CTXND1: variants seen among roughly 807,000 people sequenced by gnomAD.
CTXND1 encodes the protein cortexin domain containing 1.
At chr15:80,227,109 T>C (rs1173643134) in intron 1 of CTXND1, among the ~76,000 whole-genome samples, 1 of 152,202 alleles carries the variant, frequency 6.6e-6, no homozygotes, top group Non-Finnish European at 1.5e-5. Flanking sequence ...GTACATCATT[T>C]TCTATGTTTC....
At chr15:80,208,045 A>G (rs1336640358) in intron 1 of CTXND1, among the ~76,000 whole-genome samples, 1 of 152,240 alleles carries the variant, frequency 6.6e-6, no homozygotes, top group Non-Finnish European at 1.5e-5. Context: ...ATAGCCACTC[A>G]CAACTATGAG....
chr15:80,218,991 G>C (rs1893283912), intron 1 of CTXND1, among the ~76,000 whole-genome samples: 1 of 148,326 alleles, frequency 6.7e-6, no homozygotes, highest in East Asian at 2.0e-4. Flanking sequence ...GGGTGCAGTG[G>C]TGTCATCATA....
chr15:80,220,099 C>CATCTATCTATCT (rs3974511), intron 1 of CTXND1, among the ~76,000 whole-genome samples: 32 of 146,596 alleles, frequency 2.2e-4, no homozygotes, highest in Non-Finnish European at 3.3e-4. Context: ...AATATACTCT[C>CATCTATCTATCT]ATCTATCTAT....
At chr15:80,202,093 T>A in intron 2 of CTXND1, 79 bp from the exon 3 acceptor site, 4 of 396,692 alleles carry the variant, frequency 1.0e-5, no homozygotes, top group Non-Finnish European at 1.8e-5. Flanking sequence ...CAACCTCTGC[T>A]CCCTCTTATC....
rs1284675385 is a variant in CTXND1, at chr15:80,252,088, G to C, written c.-299C>G. On this transcript the variant is annotated 5_prime_UTR_variant, in exon 1 of 3. Coordinates refer to ENST00000560778, the MANE Select transcript of CTXND1 (RefSeq NM_001352888.2). ...AGGGCGACCGCGGATCGCCGGCTACGGCGTTTCCCGGTGACGGGGGCGCGG... is the reference window on the plus strand; with the variant it reads ...AGGGCGACCGCGGATCGCCGGCTACCGCGTTTCCCGGTGACGGGGGCGCGG... The C allele has an allele frequency of 2.0e-5, 3 of 151,768 alleles. No individual in the cohort carries two copies. The highest frequency in any genetic ancestry group is 2.1e-4 in the South Asian group (1 of 4,836). 9.4% of individuals were successfully genotyped at this position (151,768 alleles called of 1,614,324 possible).
rs1236401408 is a variant in CTXND1 at position 80,252,022 on chromosome 15, C to G, written c.-233G>C. On this transcript the variant is annotated 5_prime_UTR_variant, in exon 1 of 3. Transcript: ENST00000560778. ...CGGTCCTTACCTGGCGAGGCCCGTC[C>G]CGTGCGCTCCCGGGGTCCTGGCTGG... 6.6e-6 allele frequency: 1 copy of G among 151,696 alleles called. No individual in the cohort carries two copies. Among genetic ancestry groups the G allele is most frequent in the African/African-American group, 2.4e-5 (1 of 41,394 alleles). The allele number at this position is 151,696 out of a possible 1,614,324, so 9.4% of individuals were successfully genotyped here. A position where few individuals can be genotyped will look rare whatever the true frequency, so the allele number is the denominator to read the frequency against.
At chr15:80,248,695 G>A (rs1015035538) in intron 1 of CTXND1, among the ~76,000 whole-genome samples, 2 of 152,202 alleles carry the variant, frequency 1.3e-5, no homozygotes, top group South Asian at 4.1e-4. Flanking sequence ...GAGTCAAGAA[G>A]CCAGGGTAGC....
intron 1 of CTXND1, among the ~76,000 whole-genome samples, chr15:80,219,190 C>T (rs1212921761): frequency 2.0e-5 from 3 of 151,902 alleles, no homozygotes; most frequent in Admixed American, 6.6e-5. Flanking sequence ...AGCAATCCTC[C>T]TACCTCGGCC....
intron 1 of CTXND1, among the ~76,000 whole-genome samples, chr15:80,236,457 G>A (rs537286139): frequency 6.6e-6 from 1 of 152,322 alleles, no homozygotes; most frequent in African/African-American, 2.4e-5. Flanking sequence ...GCATAATGAT[G>A]TTTCCATCAA....
At chr15:80,233,827 T>C (rs1234049381) in intron 1 of CTXND1, among the ~76,000 whole-genome samples, 2 of 152,238 alleles carry the variant, frequency 1.3e-5, no homozygotes, top group East Asian at 3.8e-4. Flanking sequence ...GCATCTGAAT[T>C]GCAGGATTCC....
chr15:80,208,796 G>A lies in CTXND1; in HGVS notation c.-217-5056C>T, dbSNP rs8034814. 6.7e-4 allele frequency among the ~76,000 whole-genome samples: 102 copies of A among 152,210 alleles called. 1 individual carries two copies. The highest frequency in any genetic ancestry group is 2.3e-3 in the African/African-American group (95 of 41,498). On this transcript the variant is annotated intron_variant, in intron 1 of 2. Transcript: ENST00000560778. Reference sequence around the variant, plus strand: ...TGAAGAGACTGAAGTGTAGGGGGAGGAGGACTTTTGCTCAGAGTCTCAGAG... The same window carrying A: ...TGAAGAGACTGAAGTGTAGGGGGAGAAGGACTTTTGCTCAGAGTCTCAGAG...
intron 1 of CTXND1, among the ~76,000 whole-genome samples, chr15:80,221,540 G>A (rs1464731079): frequency 2.0e-5 from 3 of 152,166 alleles, no homozygotes; most frequent in South Asian, 2.1e-4. Flanking sequence ...GTATGATAGC[G>A]CCCCTGCACT....
At chr15:80,229,044 A>C (rs149722749) in intron 1 of CTXND1, among the ~76,000 whole-genome samples, 134 of 152,274 alleles carry the variant, frequency 8.8e-4, no homozygotes, top group African/African-American at 3.2e-3. Context: ...AACATTTCAA[A>C]ATCTGAACAC....
At chr15:80,233,574 A>G (rs1352429912) in intron 1 of CTXND1, among the ~76,000 whole-genome samples, 1 of 152,012 alleles carries the variant, frequency 6.6e-6, no homozygotes, top group African/African-American at 2.4e-5. Context: ...TCACAGAATG[A>G]CCAAGTCTCC....
intron 1 of CTXND1, among the ~76,000 whole-genome samples, chr15:80,251,699 T>G (rs1419268578): frequency 1.3e-5 from 2 of 151,860 alleles, no homozygotes; most frequent in Non-Finnish European, 2.9e-5. Flanking sequence ...AGCCCCGCAG[T>G]GGAACTCGGG....
chr15:80,206,025 G>A (rs1393999314), intron 1 of CTXND1, among the ~76,000 whole-genome samples: 1 of 151,854 alleles, frequency 6.6e-6, no homozygotes, highest in Non-Finnish European at 1.5e-5. Flanking sequence ...ACACAGAGAA[G>A]TTGAAAGAAT....
At chr15:80,240,929 G>C (rs1461220830) in intron 1 of CTXND1, among the ~76,000 whole-genome samples, 1 of 152,184 alleles carries the variant, frequency 6.6e-6, no homozygotes, top group East Asian at 1.9e-4. Flanking sequence ...CCTGCTCTGT[G>C]CCAGGCTGTG....
rs574650670 is a variant in CTXND1 at position 80,203,122 on chromosome 15, G to A, written c.-66+467C>T. Among the ~76,000 whole-genome samples the A allele has an allele frequency of 1.1e-4, 17 of 152,252 alleles. No individual in the cohort carries two copies. In the South Asian group the frequency reaches 2.3e-3, roughly 20 times the overall value. ...GGAGCTCGAGGAGCTGGCTAGGAGC[G>A]AGCAGGCAGCTCCCCAAGTTCAGCT... On this transcript the variant is annotated intron_variant, in intron 2 of 2. Transcript: ENST00000560778.
chr15:80,218,208 T>C (rs1396497087), intron 1 of CTXND1, among the ~76,000 whole-genome samples: 2 of 152,160 alleles, frequency 1.3e-5, no homozygotes, highest in Non-Finnish European at 2.9e-5. Flanking sequence ...CAATCATAGC[T>C]CACTGCAGCC....
Sources: gnomAD v4.1 joint callset for allele counts (sites outside exome capture counted in the v4.1 genomes callset) on GRCh38, gnomAD v4.1.1 for gene constraint, MANE v1.5 for transcripts, NCBI Gene and HGNC (gene_info 2026-07-23, HGNC 2026-07-21) for gene names.